The following ABHD2 variants were observed in gnomAD, a reference collection of about 807,000 sequenced individuals.
The protein encoded by ABHD2 is monoacylglycerol lipase ABHD2.
A neutral mutation model predicts 48.1 loss-of-function variants in ABHD2; 20 were observed. That is an observed-to-expected ratio of 0.42 (90% CI 0.29 to 0.60). The LOEUF (loss-of-function observed/expected upper bound fraction) is 0.60, where lower values mean the gene tolerates loss of function less well. Ranked by LOEUF, ABHD2 falls within the 20% of genes least tolerant of loss-of-function variation. ABHD2 has a pLI of 0.24. For synonymous variants in ABHD2, 209 were observed against 214.2 expected (o/e 0.98, Z 0.21); for missense variants, 405 against 550.9 (o/e 0.74, Z 2.65).
intron 3 of ABHD2, among the ~76,000 whole-genome samples, chr15:89,118,240 G>A (rs1329108748): frequency 1.3e-5 from 2 of 151,832 alleles, no homozygotes; most frequent in African/African-American, 4.8e-5. Flanking sequence ...CTGGAGTGCA[G>A]TAGCATGATC....
intron 5 of ABHD2, among the ~76,000 whole-genome samples, chr15:89,158,712 TG>T (rs2050713998): frequency 6.6e-6 from 1 of 152,132 alleles, no homozygotes; most frequent in Non-Finnish European, 1.5e-5. Flanking sequence ...CTTTTTGTTT[TG>T]TTTTGTTTTG....
chr15:89,125,630 C>T (rs950001861), intron 3 of ABHD2, among the ~76,000 whole-genome samples: 6 of 152,180 alleles, frequency 3.9e-5, no homozygotes, highest in African/African-American at 1.2e-4. Flanking sequence ...AGGACTGGGG[C>T]ATGGGACTGT....
chr15:89,058,282 C>T, the ABHD2 span, among the ~76,000 whole-genome samples: 2 of 152,286 alleles, frequency 1.3e-5, no homozygotes, highest in Middle Eastern at 3.4e-3. Flanking sequence ...GATACTCCAG[C>T]TCACACATCC....
rs769354803 is a variant in ABHD2 at position 89,104,461 on chromosome 15, T to G, written c.-106-9264T>G. Among the ~76,000 whole-genome samples, 3 of 152,126 alleles carry G rather than the reference T, an allele frequency of 2.0e-5. No homozygotes were observed. The highest frequency in any genetic ancestry group is 4.4e-5 in the Non-Finnish European group (3 of 68,018). On this transcript the variant is annotated intron_variant, in intron 1 of 10. Coordinates refer to ENST00000352732, the MANE Select transcript of ABHD2 (RefSeq NM_152924.5). This position sits in a 1 kb window ranked among gnomAD's most constrained non-coding sequence, Gnocchi z 4.4. ...AAATGCAAGACTGTTAGAGTGATAATGGGCTGCACGTGTTAATGCTGTCAT... is the reference window on the plus strand; with the variant it reads ...AAATGCAAGACTGTTAGAGTGATAAGGGGCTGCACGTGTTAATGCTGTCAT...
intron 5 of ABHD2, among the ~76,000 whole-genome samples, chr15:89,163,858 A>C (rs2050798253): frequency 1.3e-5 from 2 of 152,212 alleles, no homozygotes; most frequent in African/African-American, 4.8e-5. Flanking sequence ...GACAAGGATG[A>C]CTGACTTGCT....
rs1244009026 is a variant in ABHD2 at position 89,201,978 on chromosome 15, A to G, written c.*6555A>G. ...ATTTTTAGAGCACCATCACTTTCAC[A>G]TTCCTGATTCTGATTTTGTTTTGTT... On this transcript the variant is annotated 3_prime_UTR_variant, in exon 11 of 11. Transcript: ENST00000352732. 4 of 481,538 alleles carry G rather than the reference A, an allele frequency of 8.3e-6. No homozygotes were observed. Among genetic ancestry groups the G allele is most frequent in the African/African-American group, 2.0e-5 (1 of 50,206 alleles). 29.8% of individuals were successfully genotyped at this position (481,538 alleles called of 1,614,324 possible). A position where few individuals can be genotyped will look rare whatever the true frequency, so the allele number is the denominator to read the frequency against.
At chr15:89,154,599 A>T (rs573576424) in intron 4 of ABHD2, among the ~76,000 whole-genome samples, 3 of 152,218 alleles carry the variant, frequency 2.0e-5, no homozygotes, top group East Asian at 1.9e-4. Context: ...GTAAATATAG[A>T]TATCTTTTTT....
chr15:89,140,835 G>A (rs1480604731), intron 3 of ABHD2, among the ~76,000 whole-genome samples: 1 of 152,150 alleles, frequency 6.6e-6, no homozygotes, highest in Admixed American at 6.5e-5. Context: ...AGCCACCAGT[G>A]CCATCTGTGC....
the ABHD2 span, among the ~76,000 whole-genome samples, chr15:89,066,281 T>C: frequency 2.0e-5 from 3 of 152,166 alleles, no homozygotes; most frequent in Non-Finnish European, 2.9e-5. Context: ...ATCCCTTTCT[T>C]GCCTCTCTCC....
intron 10 of ABHD2, chr15:89,193,523 C>G (rs2051341350): frequency 1.7e-6 from 1 of 597,886 alleles, no homozygotes. Context: ...GTGTTCCTCC[C>G]AGGGCATGAG....
the ABHD2 span, among the ~76,000 whole-genome samples, chr15:89,073,245 G>T: frequency 0.15 from 22,921 of 152,144 alleles, 1,897 homozygotes; most frequent in Middle Eastern, 0.22. Flanking sequence ...TTTAAAAAAG[G>T]GACCTAGGTG....
the ABHD2 span, among the ~76,000 whole-genome samples, chr15:89,060,400 A>T: frequency 3.8e-3 from 383 of 100,290 alleles, 1 homozygote; most frequent in Non-Finnish European, 5.3e-3. Flanking sequence ...CAGCCTTTTT[A>T]AAAAAAAACA....
chr15:89,045,029 T>C, the ABHD2 span, among the ~76,000 whole-genome samples: 1 of 152,228 alleles, frequency 6.6e-6, no homozygotes, highest in Non-Finnish European at 1.5e-5. Flanking sequence ...AGGGTTTTTA[T>C]GGTTTTAGGT....
chr15:89,095,117 A>G (rs1035373639), intron 1 of ABHD2, among the ~76,000 whole-genome samples: 1 of 152,040 alleles, frequency 6.6e-6, no homozygotes, highest in Non-Finnish European at 1.5e-5. Flanking sequence ...TTGGAAGATC[A>G]ATATCTCAGA....
intron 3 of ABHD2, among the ~76,000 whole-genome samples, chr15:89,141,430 C>G (rs2050400406): frequency 6.6e-6 from 1 of 152,182 alleles, no homozygotes. Context: ...GTAAGGACTT[C>G]AAGACCAGCC....
the ABHD2 span, among the ~76,000 whole-genome samples, chr15:89,043,265 A>G: frequency 1.3e-5 from 2 of 152,186 alleles, no homozygotes; most frequent in Non-Finnish European, 2.9e-5. Flanking sequence ...TTTCAGCAGA[A>G]GAGCTGGGGT....
At chr15:89,054,671 C>T in the ABHD2 span, among the ~76,000 whole-genome samples, 1 of 150,832 alleles carries the variant, frequency 6.6e-6, no homozygotes, top group African/African-American at 2.4e-5. Flanking sequence ...CTGAGCAACA[C>T]TCCATTTCAA....
At chr15:89,052,926 A>G in the ABHD2 span, among the ~76,000 whole-genome samples, 1 of 151,048 alleles carries the variant, frequency 6.6e-6, no homozygotes, top group African/African-American at 2.4e-5. Flanking sequence ...GACTAGACCT[A>G]TGAAAACGTA....
intron 4 of ABHD2, among the ~76,000 whole-genome samples, chr15:89,153,438 T>G (rs752247314): frequency 2.0e-5 from 3 of 152,222 alleles, no homozygotes; most frequent in Non-Finnish European, 4.4e-5. Flanking sequence ...AATGTTTTCT[T>G]TCCCTTATTT....
Sources: gnomAD v4.1 joint callset for allele counts (sites outside exome capture counted in the v4.1 genomes callset) on GRCh38, gnomAD v4.1.1 for gene constraint, Gnocchi (gnomAD v3.1) non-coding constraint, MANE v1.5 for transcripts, NCBI Gene and HGNC (gene_info 2026-07-23, HGNC 2026-07-21) for gene names.